TXK: variants seen among roughly 807,000 people sequenced by gnomAD.
The protein encoded by TXK is tyrosine-protein kinase TXK.
Under a neutral mutation model 81.0 loss-of-function variants are expected in TXK, and 60 were observed. The observed-to-expected ratio is 0.74, with a 90% CI of 0.60 to 0.92. TXK has a LOEUF of 0.92. Ranked by LOEUF, TXK falls within the 40% of genes least tolerant of loss-of-function variation. The pLI is 0.00. For synonymous variants in TXK, 203 were observed against 210.7 expected (o/e 0.96, Z 0.32); for missense variants, 581 against 638.3 (o/e 0.91, Z 0.97).
At chr4:48,083,205 G>T (rs750187209) in intron 10 of TXK, among the ~76,000 whole-genome samples, 3 of 152,166 alleles carry the variant, frequency 2.0e-5, no homozygotes, top group Non-Finnish European at 4.4e-5. Flanking sequence ...TTGGGCTAGA[G>T]CCCAAAAGCA....
At chr4:48,109,870 A>T (rs1412690425) in intron 5 of TXK, among the ~76,000 whole-genome samples, 1 of 152,166 alleles carries the variant, frequency 6.6e-6, no homozygotes, top group Non-Finnish European at 1.5e-5. Context: ...TGGTGGAAGC[A>T]TATGCTAATT....
intron 10 of TXK, among the ~76,000 whole-genome samples, chr4:48,086,170 A>C (rs1376207274): frequency 6.6e-6 from 1 of 152,250 alleles, no homozygotes; most frequent in African/African-American, 2.4e-5. Flanking sequence ...GGCATTCTGC[A>C]AAGGTGTCAA....
intron 6 of TXK, among the ~76,000 whole-genome samples, chr4:48,103,820 T>C (rs928504362): frequency 1.9e-4 from 29 of 152,190 alleles, no homozygotes; most frequent in African/African-American, 7.0e-4. Flanking sequence ...TTTCTTTGTT[T>C]GTGTTTTTAA....
intron 9 of TXK, among the ~76,000 whole-genome samples, chr4:48,087,823 G>T (rs1717594914): frequency 6.6e-6 from 1 of 151,970 alleles, no homozygotes; most frequent in Non-Finnish European, 1.5e-5. Flanking sequence ...TAACCACAAA[G>T]AAAAATATTG....
At position 48,076,432 on chromosome 4, in the gene TXK, A is replaced by C; in HGVS notation, c.1208T>G (p.Ile403Arg). Residue 403 changes from isoleucine to arginine, a missense_variant, in exon 12 of 15, where the codon ATA becomes AGA. By Grantham distance (97) the Ile-to-Arg change is moderately conservative. Coordinates refer to ENST00000264316, the MANE Select transcript of TXK (RefSeq NM_003328.3). ...ARNCLVSSTC[I>R]VKISDFGMTR... is the part of the protein sequence containing the mutation. Reference sequence around the variant, plus strand: ...CATTCCAAAGTCTGAAATTTTTACTATGCATGTTGAACTGACCAAACAATT... The same window carrying C: ...CATTCCAAAGTCTGAAATTTTTACTCTGCATGTTGAACTGACCAAACAATT... The C allele has an allele frequency of 6.2e-7, 1 of 1,613,254 alleles. No individual in the cohort carries two copies. Among genetic ancestry groups the C allele is most frequent in the African/African-American group, 1.3e-5 (1 of 75,008 alleles).
intron 6 of TXK, among the ~76,000 whole-genome samples, chr4:48,103,416 G>C (rs745679093): frequency 1.3e-5 from 2 of 152,176 alleles, no homozygotes; most frequent in Non-Finnish European, 2.9e-5. Flanking sequence ...AAGCAAGTGA[G>C]GCCTGTCCAA....
In TXK at chr4:48,094,061, G is replaced by C. The variant is rs374282625; in HGVS notation, c.709+16C>G. 1.7e-5 allele frequency: 28 copies of C among 1,612,918 alleles called. No individual in the cohort carries two copies. Among genetic ancestry groups the C allele is most frequent in the Middle Eastern group, 1.9e-4 (1 of 5,150 alleles). On this transcript the variant is annotated intron_variant, in intron 8 of 14. Coordinates refer to ENST00000264316, the MANE Select transcript of TXK (RefSeq NM_003328.3). ...CATGGCTCCCTGACTCACCCAGCTG[G>C]AAGTTCCCCTCTTACCGGCTGCATT...
At chr4:48,098,579 A>G (rs959556155) in intron 6 of TXK, among the ~76,000 whole-genome samples, 2 of 151,394 alleles carry the variant, frequency 1.3e-5, no homozygotes, top group Non-Finnish European at 2.9e-5. Context: ...TAAAATAGGA[A>G]TGCGTGTGTA....
chr4:48,082,159 T>C (rs1462907037), intron 10 of TXK, among the ~76,000 whole-genome samples: 1 of 152,178 alleles, frequency 6.6e-6, no homozygotes, highest in Non-Finnish European at 1.5e-5. Flanking sequence ...ACAGGCAAAT[T>C]ACATAATGTA....
At chr4:48,116,498 A>G (rs1256657461) in intron 1 of TXK, among the ~76,000 whole-genome samples, 2 of 152,188 alleles carry the variant, frequency 1.3e-5, no homozygotes, top group Non-Finnish European at 2.9e-5. Context: ...AGAGTGTAGT[A>G]AAACTACAAG....
At chr4:48,076,129 G>C (rs1273292622) in intron 12 of TXK, among the ~76,000 whole-genome samples, 1 of 152,120 alleles carries the variant, frequency 6.6e-6, no homozygotes, top group Non-Finnish European at 1.5e-5. Context: ...ACGTTTCTCA[G>C]TGTATCAAGA....
chr4:48,112,703 A>G (rs973883873), intron 3 of TXK, among the ~76,000 whole-genome samples, 191 bp from the exon 4 acceptor site: 6 of 152,196 alleles, frequency 3.9e-5, no homozygotes, highest in Admixed American at 3.9e-4. Context: ...TACACTCATC[A>G]TTTTGTACAC....
At chr4:48,129,928 G>A (rs2704429) in intron 1 of TXK, among the ~76,000 whole-genome samples, 5,549 of 152,306 alleles carry the variant, frequency 0.036, 341 homozygotes, top group African/African-American at 0.13. Context: ...GCACACGGGC[G>A]TGGCTGGCAC....
At chr4:48,090,613 G>A (rs1484659894) in intron 8 of TXK, among the ~76,000 whole-genome samples, 1 of 152,076 alleles carries the variant, frequency 6.6e-6, no homozygotes, top group African/African-American at 2.4e-5. Context: ...TTAAAAGCCT[G>A]GTATGCGCTT....
intron 1 of TXK, among the ~76,000 whole-genome samples, chr4:48,124,873 A>G (rs1033478664): frequency 1.1e-4 from 17 of 152,258 alleles, no homozygotes; most frequent in Non-Finnish European, 2.2e-4. Flanking sequence ...TATGGGGTTC[A>G]GCAGGCTTTA....
intron 6 of TXK, among the ~76,000 whole-genome samples, chr4:48,104,413 TATATATA>T (rs1718352899): frequency 1.9e-3 from 1 of 526 alleles, no homozygotes; most frequent in African/African-American, 0.022. Context: ...TATATAATAT[TATATATA>T]ATATATATAA....
At chr4:48,108,536 A>T (rs1718534002) in intron 5 of TXK, among the ~76,000 whole-genome samples, 1 of 152,210 alleles carries the variant, frequency 6.6e-6, no homozygotes, top group Non-Finnish European at 1.5e-5. Flanking sequence ...TAGTACTTCA[A>T]CCTAGGGCAG....
chr4:48,094,729 T>C (rs1466909277), intron 7 of TXK, among the ~76,000 whole-genome samples: 1 of 152,196 alleles, frequency 6.6e-6, no homozygotes, highest in Non-Finnish European at 1.5e-5. Flanking sequence ...AACCTAGCAT[T>C]GCTCCTGGGA....
chr4:48,134,089 GC>G, intron 1 of TXK, 65 bp downstream of exon 1: 1 of 1,580,162 alleles, frequency 6.3e-7, no homozygotes, highest in Non-Finnish European at 8.6e-7. Context: ...AACTTCCTCT[GC>G]TGTTCAAGAA....
Sources: allele counts gnomAD v4.1 joint callset (sites outside exome capture counted in the v4.1 genomes callset), GRCh38; gene constraint gnomAD v4.1.1; transcripts MANE v1.5; gene names NCBI Gene and HGNC (gene_info 2026-07-23, HGNC 2026-07-21).